MACROD2: variants seen among roughly 807,000 people sequenced by gnomAD.
MACROD2 encodes the protein mono-ADP ribosylhydrolase 2.
A neutral mutation model predicts 70.4 loss-of-function variants in MACROD2; 36 were observed. The ratio of observed to expected loss-of-function variants is 0.51; its 90% CI spans 0.39 to 0.68. The LOEUF (loss-of-function observed/expected upper bound fraction) is 0.68, where lower values mean the gene tolerates loss of function less well. MACROD2 is among the 30% of genes least tolerant of loss of function. MACROD2 has a pLI of 0.00. For synonymous variants in MACROD2, 172 were observed against 178.8 expected (o/e 0.96, Z 0.30); for missense variants, 496 against 538.4 (o/e 0.92, Z 0.78).
At chr20:15,874,065 GC>G (rs1296276083) in intron 9 of MACROD2, among the ~76,000 whole-genome samples, 1 of 38,426 alleles carries the variant, frequency 2.6e-5, no homozygotes, top group East Asian at 7.0e-4. Flanking sequence ...CCCTCCCCCA[GC>G]CCCCCCACCC....
intron 8 of MACROD2, among the ~76,000 whole-genome samples, chr20:15,630,699 A>T (rs2049275791): frequency 6.6e-6 from 1 of 152,242 alleles, no homozygotes; most frequent in Non-Finnish European, 1.5e-5. Flanking sequence ...ATGTAGATGC[A>T]TGCCCTTTGG....
At chr20:15,653,410 G>A (rs1055650932) in intron 8 of MACROD2, among the ~76,000 whole-genome samples, 14 of 152,200 alleles carry the variant, frequency 9.2e-5, no homozygotes, top group Admixed American at 6.5e-4. Context: ...ATCAGCTGTC[G>A]TGCAGTAGAT....
chr20:15,168,644 T>C (rs1461698904), intron 5 of MACROD2, among the ~76,000 whole-genome samples: 1 of 152,060 alleles, frequency 6.6e-6, no homozygotes, highest in African/African-American at 2.4e-5. Flanking sequence ...GATGAATGGA[T>C]AAACAAAATG....
At chr20:15,940,469 T>C (rs2065736119) in intron 12 of MACROD2, among the ~76,000 whole-genome samples, 1 of 152,164 alleles carries the variant, frequency 6.6e-6, no homozygotes, top group South Asian at 2.1e-4. Flanking sequence ...CAGAGAAATC[T>C]TCTGTGAAAG....
In MACROD2 at chr20:16,017,453, G is replaced by A. The variant is rs192893266; in HGVS notation, c.1154-23748G>A. 4.6e-5 allele frequency among the ~76,000 whole-genome samples: 7 copies of A among 152,282 alleles called. No homozygotes were observed. In the East Asian group the frequency reaches 1.4e-3, roughly 29 times the overall value. On this transcript the variant is annotated intron_variant, in intron 15 of 17. Transcript: ENST00000684519. Reference sequence around the variant, plus strand: ...GTGGTGTTGTGAAGGATATTTTGAGGCATCATGTGGTCTTTGCAGAACTGG... The same window carrying A: ...GTGGTGTTGTGAAGGATATTTTGAGACATCATGTGGTCTTTGCAGAACTGG...
chr20:15,114,644 C>G (rs544244648), intron 5 of MACROD2, among the ~76,000 whole-genome samples: 11 of 152,186 alleles, frequency 7.2e-5, no homozygotes, highest in Admixed American at 5.2e-4. Context: ...TCCATGGAAA[C>G]CAAGACATAC....
At chr20:15,633,220 T>G (rs1600693578) in intron 8 of MACROD2, among the ~76,000 whole-genome samples, 1 of 45,718 alleles carries the variant, frequency 2.2e-5, no homozygotes, top group African/African-American at 2.4e-4. Context: ...AGAGGACTAG[T>G]TTTTTTTTTA....
chr20:14,304,771 T>G, intron 3 of MACROD2, among the ~76,000 whole-genome samples: 1 of 14,838 alleles, frequency 6.7e-5, no homozygotes, highest in Admixed American at 1.4e-3. Flanking sequence ...GTCTTTTTTA[T>G]GTTTTTTTTT....
intron 5 of MACROD2, among the ~76,000 whole-genome samples, chr20:15,085,899 C>CACAT (rs951790089): frequency 4.0e-5 from 6 of 151,408 alleles, no homozygotes; most frequent in African/African-American, 1.5e-4. Context: ...CACACACACA[C>CACAT]ACACACACAC....
chr20:15,308,434 A>G (rs2077718940), intron 6 of MACROD2, among the ~76,000 whole-genome samples: 1 of 152,198 alleles, frequency 6.6e-6, no homozygotes, highest in Non-Finnish European at 1.5e-5. Context: ...GCAAGGTCTA[A>G]TTATGGATAC....
At chr20:15,237,009 A>G (rs1011799748) in intron 6 of MACROD2, among the ~76,000 whole-genome samples, 8 of 152,144 alleles carry the variant, frequency 5.3e-5, no homozygotes, top group Non-Finnish European at 8.8e-5. Context: ...GGCAGTGACA[A>G]CAACTAGGGA....
intron 3 of MACROD2, among the ~76,000 whole-genome samples, chr20:14,292,878 G>A (rs969594255): frequency 1.2e-4 from 18 of 151,770 alleles, no homozygotes; most frequent in East Asian, 3.8e-4. Context: ...CAGGTGATCC[G>A]CCTGCCTTGG....
chr20:15,371,436 T>C (rs1418955374), intron 6 of MACROD2, among the ~76,000 whole-genome samples: 1 of 152,146 alleles, frequency 6.6e-6, no homozygotes, highest in African/African-American at 2.4e-5. Flanking sequence ...TAGATTGTAT[T>C]TTGATTTGCT....
At chr20:15,913,382 C>G (rs1016317038) in intron 10 of MACROD2, among the ~76,000 whole-genome samples, 3 of 151,986 alleles carry the variant, frequency 2.0e-5, no homozygotes, top group Non-Finnish European at 4.4e-5. Flanking sequence ...TATTTTTTCC[C>G]TAAATTCTTT....
At chr20:14,333,632 A>G (rs1471763693) in intron 3 of MACROD2, among the ~76,000 whole-genome samples, 2 of 152,142 alleles carry the variant, frequency 1.3e-5, no homozygotes, top group East Asian at 1.9e-4. Flanking sequence ...TTCCTTTTTA[A>G]CAGTGTGGGT....
chr20:14,953,017 A>G (rs1445922582), intron 5 of MACROD2, among the ~76,000 whole-genome samples: 1 of 152,112 alleles, frequency 6.6e-6, no homozygotes, highest in South Asian at 2.1e-4. Context: ...TATGCTTTTT[A>G]CAAGGAGAAG....
At chr20:15,718,971 T>C (rs574991832) in intron 8 of MACROD2, among the ~76,000 whole-genome samples, 65 of 152,324 alleles carry the variant, frequency 4.3e-4, no homozygotes, top group African/African-American at 1.6e-3. Context: ...ATTATCCTTC[T>C]TCAAGCTAGT....
intron 6 of MACROD2, among the ~76,000 whole-genome samples, chr20:15,232,453 T>C (rs542659474): frequency 2.0e-4 from 30 of 152,162 alleles, no homozygotes; most frequent in Middle Eastern, 3.4e-3. Flanking sequence ...GGACAAGTAA[T>C]GTCAACATTT....
intron 3 of MACROD2, among the ~76,000 whole-genome samples, chr20:14,173,307 T>A (rs1418710241): frequency 6.6e-6 from 1 of 152,056 alleles, no homozygotes; most frequent in East Asian, 1.9e-4. Context: ...CTTCTTAAAG[T>A]CTTTGTTCAT....
Sources: allele counts gnomAD v4.1 joint callset (sites outside exome capture counted in the v4.1 genomes callset), GRCh38; gene constraint gnomAD v4.1.1; transcripts MANE v1.5; gene names NCBI Gene and HGNC (gene_info 2026-07-23, HGNC 2026-07-21).